The following ZHX2 variants were observed in gnomAD, a reference collection of about 807,000 sequenced individuals.
ZHX2 encodes zinc fingers and homeoboxes protein 2.
A neutral mutation model predicts 21.9 loss-of-function variants in ZHX2; 6 were observed. The observed-to-expected ratio is 0.27, with a 90% CI of 0.15 to 0.54. The LOEUF (loss-of-function observed/expected upper bound fraction) is 0.54, where lower values mean the gene tolerates loss of function less well. Among genes scored for constraint, ZHX2 ranks in the 20% least tolerant of loss-of-function variants. The probability of loss-of-function intolerance (pLI) is 0.95; values close to 1 mark genes in which losing one functional copy is unlikely to be tolerated. For synonymous variants in ZHX2, 434 were observed against 437.1 expected, an observed-to-expected ratio of 0.99 and a Z score of 0.09; for missense variants, 908 against 1,090.7, an observed-to-expected ratio of 0.83 and a Z score of 2.36.
chr8:122,942,460 G>T (rs1201971476), intron 2 of ZHX2, among the ~76,000 whole-genome samples: 1 of 152,168 alleles, frequency 6.6e-6, no homozygotes, highest in African/African-American at 2.4e-5. Context: ...ATGAGACGTG[G>T]CATCCCTGTC....
chr8:122,946,204 A>G (rs1812972237), intron 2 of ZHX2, among the ~76,000 whole-genome samples: 8 of 152,194 alleles, frequency 5.3e-5, no homozygotes. Context: ...CAAAACTGCA[A>G]GTACCAGACT....
At chr8:122,792,279 T>C (rs1817532000) in intron 1 of ZHX2, among the ~76,000 whole-genome samples, 1 of 152,252 alleles carries the variant, frequency 6.6e-6, no homozygotes. Context: ...TCTTTCCCTT[T>C]TGAGGTTCAT....
At chr8:122,796,170 C>CA (rs35841484) in intron 1 of ZHX2, among the ~76,000 whole-genome samples, 29,222 of 110,016 alleles carry the variant, frequency 0.27, 3,161 homozygotes, top group Admixed American at 0.33. Flanking sequence ...GACTCCATCT[C>CA]AAAAAAAAAA....
intron 3 of ZHX2, among the ~76,000 whole-genome samples, chr8:122,954,856 T>TTC (rs952533130): frequency 6.7e-6 from 1 of 150,172 alleles, no homozygotes; most frequent in African/African-American, 2.4e-5. Flanking sequence ...TTTTTTTTTT[T>TTC]CCCCCCTTTT....
chr8:122,869,589 C>G (rs921514043), intron 2 of ZHX2, among the ~76,000 whole-genome samples: 2 of 152,210 alleles, frequency 1.3e-5, no homozygotes, highest in African/African-American at 4.8e-5. Flanking sequence ...GAGCTGTCGC[C>G]GGGAGGCCCA....
chr8:122,890,742 G>A (rs910946798), intron 2 of ZHX2, among the ~76,000 whole-genome samples: 2 of 152,004 alleles, frequency 1.3e-5, no homozygotes, highest in African/African-American at 4.8e-5. Flanking sequence ...TGCTTCTTGA[G>A]TTCTTTTTCA....
intron 2 of ZHX2, among the ~76,000 whole-genome samples, chr8:122,944,712 C>G (rs941360214): frequency 1.3e-5 from 2 of 152,174 alleles, no homozygotes; most frequent in African/African-American, 2.4e-5. Flanking sequence ...CAGTGTTTGT[C>G]GACTGCAGGA....
intron 3 of ZHX2, among the ~76,000 whole-genome samples, chr8:122,962,139 T>C (rs943394551): frequency 1.3e-5 from 2 of 152,172 alleles, no homozygotes; most frequent in African/African-American, 4.8e-5. Context: ...TCCAAACTAT[T>C]TTAATAGTTT....
intron 3 of ZHX2, among the ~76,000 whole-genome samples, chr8:122,963,247 G>A (rs1428058363): frequency 6.6e-6 from 1 of 152,072 alleles, no homozygotes; most frequent in African/African-American, 2.4e-5. Context: ...GAATTTTTAT[G>A]ACTTCACGTC....
intron 3 of ZHX2, among the ~76,000 whole-genome samples, chr8:122,971,723 A>T (rs1437355585): frequency 6.6e-6 from 1 of 151,724 alleles, no homozygotes; most frequent in Non-Finnish European, 1.5e-5. Context: ...GATCTGAAAA[A>T]CTTCTAGCCT....
chr8:122,908,021 A>G (rs1368844615), intron 2 of ZHX2, among the ~76,000 whole-genome samples: 4 of 152,312 alleles, frequency 2.6e-5, no homozygotes, highest in Non-Finnish European at 5.9e-5. Flanking sequence ...AAAAGACAGA[A>G]GACCTGCGTA....
intron 1 of ZHX2, among the ~76,000 whole-genome samples, chr8:122,841,646 T>C (rs560466087): frequency 6.6e-6 from 1 of 152,296 alleles, no homozygotes; most frequent in African/African-American, 2.4e-5. Flanking sequence ...TCTGATTGCT[T>C]TGAGGGTGTT....
chr8:122,880,774 CAAA>C (rs35751946), intron 2 of ZHX2, among the ~76,000 whole-genome samples: 1 of 77,648 alleles, frequency 1.3e-5, no homozygotes. Context: ...GACTCCACCT[CAAA>C]AAAAAAAAAA....
intron 1 of ZHX2, among the ~76,000 whole-genome samples, chr8:122,792,598 TGA>T (rs2130541248): frequency 6.6e-6 from 1 of 152,264 alleles, no homozygotes; most frequent in African/African-American, 2.4e-5. Context: ...CAGCAGAGTA[TGA>T]GAGAGTTCTG....
chr8:122,813,636 G>A (rs2130614190), intron 1 of ZHX2, among the ~76,000 whole-genome samples: 1 of 152,276 alleles, frequency 6.6e-6, no homozygotes, highest in African/African-American at 2.4e-5. Context: ...ACATGGTTGG[G>A]ACCAGAAGTG....
intron 1 of ZHX2, among the ~76,000 whole-genome samples, chr8:122,805,230 G>A (rs1314832372): frequency 6.6e-6 from 1 of 152,180 alleles, no homozygotes; most frequent in African/African-American, 2.4e-5. Context: ...CAAGCAGGTG[G>A]GGAGCTCTGG....
intron 2 of ZHX2, among the ~76,000 whole-genome samples, chr8:122,943,051 C>A (rs1812884600): frequency 6.6e-6 from 1 of 152,104 alleles, no homozygotes; most frequent in Non-Finnish European, 1.5e-5. Flanking sequence ...CACCTGAGGT[C>A]AGGAGTTCGA....
At chr8:122,905,036 G>A (rs1435336287) in intron 2 of ZHX2, among the ~76,000 whole-genome samples, 1 of 152,190 alleles carries the variant, frequency 6.6e-6, no homozygotes, top group Non-Finnish European at 1.5e-5. Context: ...CAGAGCCAGT[G>A]GGCCAGAGGA....
chr8:122,786,799 C>T (rs1451934487), intron 1 of ZHX2, among the ~76,000 whole-genome samples: 1 of 151,932 alleles, frequency 6.6e-6, no homozygotes, highest in Non-Finnish European at 1.5e-5. Flanking sequence ...GGTACCAGCA[C>T]ATGAGGTACC....
Sources: gnomAD v4.1 joint callset for allele counts (sites outside exome capture counted in the v4.1 genomes callset) on GRCh38, gnomAD v4.1.1 for gene constraint, MANE v1.5 for transcripts, NCBI Gene and HGNC (gene_info 2026-07-23, HGNC 2026-07-21) for gene names.